NRAP: variants seen among roughly 807,000 people sequenced by gnomAD.
NRAP encodes nebulin-related-anchoring protein.
Under a neutral mutation model 225.9 loss-of-function variants are expected in NRAP, and 189 were observed. The ratio of observed to expected loss-of-function variants is 0.84; its 90% CI spans 0.74 to 0.94. The LOEUF (loss-of-function observed/expected upper bound fraction) is 0.94, where lower values mean the gene tolerates loss of function less well. Among genes scored for constraint, NRAP ranks in the 40% least tolerant of loss-of-function variants. The probability of loss-of-function intolerance (pLI) is 0.00; values close to 1 mark genes in which losing one functional copy is unlikely to be tolerated. For missense variants in NRAP, 2,176 were observed against 2,168.7 expected, an observed-to-expected ratio of 1.00 and a Z score of -0.07; for synonymous variants, 769 against 790.7, an observed-to-expected ratio of 0.97 and a Z score of 0.46.
At chr10:113,602,737 G>C (rs566779969) in intron 35 of NRAP, among the ~76,000 whole-genome samples, 9 of 152,324 alleles carry the variant, frequency 5.9e-5, no homozygotes, top group African/African-American at 9.6e-5. Context: ...GAATTGAGGG[G>C]CTTGGCGCAA....
intron 35 of NRAP, 114 bp downstream of exon 35, chr10:113,604,495 G>A: frequency 1.3e-6 from 1 of 782,304 alleles, no homozygotes; most frequent in Non-Finnish European, 2.0e-6. Flanking sequence ...TTTGGGGAAG[G>A]CAGATAGGGG....
intron 35 of NRAP, 33 bp downstream of exon 35, chr10:113,604,576 G>A: frequency 1.9e-6 from 3 of 1,588,160 alleles, no homozygotes; most frequent in Non-Finnish European, 2.6e-6. Context: ...GAAAGGCTGG[G>A]GGCTGGTTTG....
chr10:113,630,682 C>T (rs1848529681), intron 18 of NRAP, among the ~76,000 whole-genome samples: 1 of 152,196 alleles, frequency 6.6e-6, no homozygotes, highest in Non-Finnish European at 1.5e-5. Flanking sequence ...TAAACTGAAG[C>T]CAAATTCTCA....
intron 35 of NRAP, among the ~76,000 whole-genome samples, chr10:113,599,214 A>G (rs1385435910): frequency 6.6e-6 from 1 of 152,196 alleles, no homozygotes; most frequent in East Asian, 1.9e-4. Flanking sequence ...CGTTCCTCAC[A>G]GCTGGCCTCA....
rs201125144 is a variant in NRAP, at chr10:113,589,719, G to A, written c.5035C>T (p.Arg1679Trp). Residue 1679 changes from arginine (R) to tryptophan (W), a missense_variant, in exon 41 of 42, where the codon CGG (arginine) becomes TGG (tryptophan). Coordinates refer to ENST00000359988, the MANE Select transcript of NRAP (RefSeq NM_198060.4). The stretch of plus-strand genomic sequence containing the variant: ...GCGTTGGCCAGTTCCGCAGCCCGCC[G>A]AGCCATTTCCACTTTGTAGGAGCCA... ...PPGSYKVEMARRAAELANARG... is the reference protein window; with the variant it reads ...PPGSYKVEMAWRAAELANARG... The A allele has an allele frequency of 3.0e-5, 49 of 1,614,028 alleles. No individual in the cohort carries two copies. Among genetic ancestry groups the A allele is most frequent in the South Asian group, 5.5e-5 (5 of 91,070 alleles).
intron 34 of NRAP, 90 bp from the exon 35 acceptor site, chr10:113,605,010 T>A: frequency 6.9e-7 from 1 of 1,451,530 alleles, no homozygotes; most frequent in Non-Finnish European, 9.3e-7. Context: ...TAGGAGGTGA[T>A]GATTATAAGA....
At chr10:113,624,089 C>G (rs539932865) in intron 22 of NRAP, among the ~76,000 whole-genome samples, 2 of 152,296 alleles carry the variant, frequency 1.3e-5, no homozygotes, top group Admixed American at 1.3e-4. Context: ...CTCCTGTTCT[C>G]TCTCCTGCTC....
chr10:113,638,991 T>C (rs1466774209), intron 14 of NRAP, among the ~76,000 whole-genome samples: 1 of 151,876 alleles, frequency 6.6e-6, no homozygotes, highest in Non-Finnish European at 1.5e-5. Context: ...CTCTTTGTGC[T>C]ACTTATTAGG....
intron 3 of NRAP, among the ~76,000 whole-genome samples, chr10:113,662,419 A>T (rs79600797): frequency 0.16 from 24,475 of 152,014 alleles, 2,107 homozygotes; most frequent in African/African-American, 0.23. Flanking sequence ...TCTGTCTGCT[A>T]TAGGACATTA....
At chr10:113,647,454 T>G (rs561620166) in intron 9 of NRAP, among the ~76,000 whole-genome samples, 1 of 150,764 alleles carries the variant, frequency 6.6e-6, no homozygotes, top group East Asian at 2.0e-4. Flanking sequence ...TCTCCCCCGG[T>G]GGTACTGCCT....
At chr10:113,590,528 G>C in intron 40 of NRAP, 50 bp downstream of exon 40, 1 of 1,557,104 alleles carries the variant, frequency 6.4e-7, no homozygotes, top group Non-Finnish European at 8.7e-7. Flanking sequence ...CATCTCTTAG[G>C]AAGAGGCACC....
chr10:113,619,021 T>C (rs1847828715), intron 25 of NRAP, among the ~76,000 whole-genome samples: 1 of 151,972 alleles, frequency 6.6e-6, no homozygotes, highest in African/African-American at 2.4e-5. Flanking sequence ...TAAAATGAGA[T>C]GGGGGGGAAA....
At position 113,622,125 on chromosome 10, in the gene NRAP, T is replaced by C. The variant is rs1402600143; in HGVS notation, c.2513A>G (p.Asp838Gly). ...GCTCATTTGCGAATCTCCCTGTACA[T>C]CTTTTGCCCCAATGAGCTTCCCTCT... ...RSRGKLIGAKDVQGDSQMSHS... is the reference protein window; with the variant it reads ...RSRGKLIGAKGVQGDSQMSHS... Residue 838 changes from aspartate (D) to glycine (G), a missense_variant, in exon 24 of 42, where the codon GAT becomes GGT. Around this residue, in one of 3 missense-constraint regions of NRAP, gnomAD observed 1,708 missense variants for 1,695.5 expected, o/e 1.01. Transcript: ENST00000359988. 1 of 1,614,070 alleles carries C rather than the reference T, an allele frequency of 6.2e-7. No individual in the cohort carries two copies. The highest frequency in any genetic ancestry group is 8.5e-7 in the Non-Finnish European group (1 of 1,179,934).
At chr10:113,643,866 T>C (rs1237579530) in intron 11 of NRAP, among the ~76,000 whole-genome samples, 1 of 152,176 alleles carries the variant, frequency 6.6e-6, no homozygotes, top group African/African-American at 2.4e-5. Flanking sequence ...CTAATTCTAA[T>C]TCTATAAATA....
Position 113,603,432 on chromosome 10 carries a change from C to T in NRAP, c.4227+1177G>A, listed in dbSNP as rs114772684. Reference sequence around the variant, plus strand: ...CATGGCTCCCTGCTCTGAGCTCCCCCCAAGAGAGCAGGATGGTTAAGAATG... The same window carrying T: ...CATGGCTCCCTGCTCTGAGCTCCCCTCAAGAGAGCAGGATGGTTAAGAATG... On this transcript the variant is annotated intron_variant, in intron 35 of 41. Transcript: ENST00000359988. Among the ~76,000 whole-genome samples, 1,201 of 152,120 alleles carry T rather than the reference C, an allele frequency of 7.9e-3. 22 individuals carry two copies. Among genetic ancestry groups the T allele is most frequent in the African/African-American group, 0.027 (1,140 of 41,482 alleles).
At position 113,606,297 on chromosome 10, in the gene NRAP, T is replaced by C. The variant is rs778779676; in HGVS notation, c.3703-15A>G. The C allele has an allele frequency of 1.4e-6, 2 of 1,458,090 alleles. No homozygotes were observed. The highest frequency in any genetic ancestry group is 2.3e-5 in the South Asian group (2 of 87,872). The allele number at this position is 1,458,090 out of a possible 1,614,324, so 90.3% of individuals were successfully genotyped here. A position where few individuals can be genotyped will look rare whatever the true frequency, so the allele number is the denominator to read the frequency against. On this transcript the variant is annotated splice_polypyrimidine_tract_variant and intron_variant, in intron 32 of 41. Coordinates refer to ENST00000359988, the MANE Select transcript of NRAP (RefSeq NM_198060.4). The stretch of plus-strand genomic sequence containing the variant: ...TTATAGAGGCGCTAGGCCAAAAAAA[T>C]ATAATAATAATAATGCAAGAGATAA...
chr10:113,652,453 A>G (rs989170456), intron 6 of NRAP, among the ~76,000 whole-genome samples: 1 of 152,132 alleles, frequency 6.6e-6, no homozygotes, highest in Non-Finnish European at 1.5e-5. Flanking sequence ...CATCCTGGCC[A>G]ACATGGTGAA....
rs1162594012 is a variant in NRAP, at chr10:113,597,972, G to A, written c.4329C>T (p.Ser1443=). The part of the protein sequence containing the change: ...ESAKKAGELI[S]ETKYRKKPDS... ...GGTGGGGACAGGTTGATGGTACCTC[G>A]CTGATGAGTTCTCCAGCCTTCTTTG... Residue 1443 remains serine, a synonymous_variant, in exon 36 of 42, where the codon AGC becomes AGT. Transcript: ENST00000359988. 6 of 1,605,930 alleles carry A rather than the reference G, an allele frequency of 3.7e-6. No homozygotes were observed. The highest frequency in any genetic ancestry group is 2.2e-5 in the South Asian group (2 of 90,914).
At chr10:113,623,795 G>C (rs1848135422) in intron 22 of NRAP, among the ~76,000 whole-genome samples, 159 bp from the exon 23 acceptor site, 1 of 152,152 alleles carries the variant, frequency 6.6e-6, no homozygotes. Flanking sequence ...AATACAGCCA[G>C]GCCTTCTTCC....
Sources: allele counts gnomAD v4.1 joint callset (sites outside exome capture counted in the v4.1 genomes callset), GRCh38; gene constraint gnomAD v4.1.1; regional missense constraint gnomAD v4.1.1; transcripts MANE v1.5; gene names NCBI Gene and HGNC (gene_info 2026-07-23, HGNC 2026-07-21).